PDGFC: variants seen among roughly 807,000 people sequenced by gnomAD.
PDGFC encodes platelet-derived growth factor C.
PDGFC carries 12 observed loss-of-function variants against 35.5 expected under a neutral mutation model. That is an observed-to-expected ratio of 0.34 (90% CI 0.22 to 0.55). The LOEUF (loss-of-function observed/expected upper bound fraction) is 0.55, where lower values mean the gene tolerates loss of function less well. Ranked by LOEUF, PDGFC falls within the 20% of genes least tolerant of loss-of-function variation. The pLI, the probability that PDGFC is intolerant of heterozygous loss-of-function variation, is 0.91. For synonymous variants in PDGFC, 159 were observed against 148.8 expected (o/e 1.07, Z -0.50); for missense variants, 322 against 412.4 (o/e 0.78, Z 1.90).
chr4:156,789,808 CTAATAAAAA>C (rs1019067669), intron 3 of PDGFC, among the ~76,000 whole-genome samples: 1 of 151,928 alleles, frequency 6.6e-6, no homozygotes, highest in African/African-American at 2.4e-5. Flanking sequence ...AACCACATCT[CTAATAAAAA>C]TACAAAAAAG....
intron 1 of PDGFC, among the ~76,000 whole-genome samples, chr4:156,865,254 CAG>C (rs1300427715): frequency 3.3e-5 from 5 of 151,782 alleles, no homozygotes; most frequent in Non-Finnish European, 5.9e-5. Context: ...AGCATGAACA[CAG>C]GGGTATCATT....
intron 2 of PDGFC, among the ~76,000 whole-genome samples, chr4:156,828,622 A>G (rs546520808): frequency 1.3e-5 from 2 of 152,232 alleles, no homozygotes; most frequent in African/African-American, 4.8e-5. Flanking sequence ...GTAATTATGT[A>G]TATGTGTGTG....
At chr4:156,778,579 T>TTTCC (rs1223993843) in intron 3 of PDGFC, among the ~76,000 whole-genome samples, 8 of 152,184 alleles carry the variant, frequency 5.3e-5, no homozygotes, top group Admixed American at 2.6e-4. Context: ...TGTTAACATC[T>TTTCC]TTCCCCTTTT....
chr4:156,873,092 C>T (rs1480769481), intron 1 of PDGFC, among the ~76,000 whole-genome samples: 2 of 152,172 alleles, frequency 1.3e-5, no homozygotes, highest in African/African-American at 2.4e-5. Context: ...GACTGCACCA[C>T]TGCCGGGACT....
rs535941915 is a variant in PDGFC, at chr4:156,767,248, G to A, written c.921+525C>T. Among the ~76,000 whole-genome samples the A allele has an allele frequency of 4.6e-5, 7 of 152,148 alleles. No individual in the cohort carries two copies. In the East Asian group the frequency reaches 1.2e-3, roughly 25 times the overall value. On this transcript the variant is annotated intron_variant, in intron 5 of 5. Coordinates refer to ENST00000502773, the MANE Select transcript of PDGFC (RefSeq NM_016205.3). Reference sequence around the variant, plus strand: ...ATTTTCTTTTATTCCAAAGAATAAAGAGATGAAAGGTTAAAACATCCACAC... The same window carrying A: ...ATTTTCTTTTATTCCAAAGAATAAAAAGATGAAAGGTTAAAACATCCACAC...
At chr4:156,825,450 T>C (rs1353112315) in intron 2 of PDGFC, among the ~76,000 whole-genome samples, 1 of 150,084 alleles carries the variant, frequency 6.7e-6, no homozygotes, top group Non-Finnish European at 1.5e-5. Flanking sequence ...CTGGGGAGGC[T>C]GAGGTGGGAG....
chr4:156,783,817 G>C (rs1731044226), intron 3 of PDGFC, among the ~76,000 whole-genome samples: 3 of 152,148 alleles, frequency 2.0e-5, no homozygotes, highest in Admixed American at 2.0e-4. Flanking sequence ...TTTATGATCT[G>C]ATTGATTACC....
At position 156,762,625 on chromosome 4, in the gene PDGFC, CAAA is replaced by C. The variant is rs879026361; in HGVS notation, c.*462_*464del. On this transcript the variant is annotated 3_prime_UTR_variant, in exon 6 of 6. Coordinates refer to ENST00000502773, the MANE Select transcript of PDGFC (RefSeq NM_016205.3). ...TCTGGTTTACATATGTGAATATGAG[CAAA>C]AAAAAAAAAAAAAATCCAGATTTTA... 2.9e-5 allele frequency: 3 copies of C among 103,474 alleles called. No individual in the cohort carries two copies. The highest frequency in any genetic ancestry group is 1.1e-4 in the Admixed American group (1 of 9,396). The allele number at this position is 103,474 out of a possible 1,614,324, so 6.4% of individuals were successfully genotyped here. A position where few individuals can be genotyped will look rare whatever the true frequency, so the allele number is the denominator to read the frequency against.
chr4:156,852,070 T>C (rs1010194553), intron 1 of PDGFC, among the ~76,000 whole-genome samples: 1 of 151,732 alleles, frequency 6.6e-6, no homozygotes, highest in African/African-American at 2.4e-5. Context: ...TTAAAAAAAG[T>C]AAAAGCCTTA....
Position 156,939,362 on chromosome 4 carries a change from A to G in PDGFC, c.118+31424T>C, listed in dbSNP as rs189673123. ...AGAAAAATAACTCGATGAGTCAGAT[A>G]TAGAAACAAGAAATAACAGGCAATT... is the stretch of plus-strand genomic sequence containing the variant. On this transcript the variant is annotated intron_variant, in intron 1 of 5. Coordinates refer to ENST00000502773, the MANE Select transcript of PDGFC (RefSeq NM_016205.3). Among the ~76,000 whole-genome samples, 355 of 152,238 alleles carry G rather than the reference A, an allele frequency of 2.3e-3. 1 individual carries two copies. The highest frequency in any genetic ancestry group is 2.3e-3 in the Non-Finnish European group (156 of 67,962).
At chr4:156,840,466 T>C (rs1303812544) in intron 2 of PDGFC, among the ~76,000 whole-genome samples, 1 of 152,228 alleles carries the variant, frequency 6.6e-6, no homozygotes, top group Non-Finnish European at 1.5e-5. Flanking sequence ...ATGGAAACAC[T>C]GGTATCTCCA....
intron 2 of PDGFC, among the ~76,000 whole-genome samples, chr4:156,845,395 T>C (rs1482561370): frequency 6.6e-6 from 1 of 151,670 alleles, no homozygotes; most frequent in Non-Finnish European, 1.5e-5. Flanking sequence ...TATATATATA[T>C]ACAGAGAGAG....
At chr4:156,826,728 T>C (rs766871955) in intron 2 of PDGFC, among the ~76,000 whole-genome samples, 5 of 152,152 alleles carry the variant, frequency 3.3e-5, no homozygotes, top group Non-Finnish European at 7.3e-5. Context: ...ATAATAAAAT[T>C]TGAAAAGGAT....
intron 2 of PDGFC, among the ~76,000 whole-genome samples, chr4:156,843,621 G>T (rs1729256696): frequency 6.6e-6 from 1 of 152,242 alleles, no homozygotes; most frequent in East Asian, 1.9e-4. Context: ...AAGAGGTACT[G>T]AATTTTTTGT....
chr4:156,799,806 GCTT>G (rs1731550050), intron 3 of PDGFC, among the ~76,000 whole-genome samples: 1 of 151,940 alleles, frequency 6.6e-6, no homozygotes, highest in East Asian at 1.9e-4. Context: ...TTTTAAAAAA[GCTT>G]CTTGTTTGGA....
intron 1 of PDGFC, among the ~76,000 whole-genome samples, chr4:156,908,783 T>C (rs925859302): frequency 6.6e-6 from 1 of 152,064 alleles, no homozygotes; most frequent in South Asian, 2.1e-4. Flanking sequence ...TATGTAACAA[T>C]CAGACAAGTG....
intron 1 of PDGFC, among the ~76,000 whole-genome samples, chr4:156,865,159 T>C (rs1729807565): frequency 1.3e-5 from 2 of 150,834 alleles, no homozygotes; most frequent in Non-Finnish European, 2.9e-5. Flanking sequence ...GGATAAATTT[T>C]TCACTTTAGG....
intron 2 of PDGFC, among the ~76,000 whole-genome samples, chr4:156,828,912 T>G (rs182194241): frequency 5.9e-4 from 90 of 152,226 alleles, no homozygotes; most frequent in African/African-American, 1.9e-3. Flanking sequence ...TTTTTTAAAA[T>G]TAAAGTTTAC....
chr4:156,829,895 T>C (rs2111017406), intron 2 of PDGFC, among the ~76,000 whole-genome samples: 1 of 152,228 alleles, frequency 6.6e-6, no homozygotes, highest in Middle Eastern at 3.4e-3. Context: ...TTATTAATCT[T>C]ATAGACAACA....
Sources: gnomAD v4.1 joint callset for allele counts (sites outside exome capture counted in the v4.1 genomes callset) on GRCh38, gnomAD v4.1.1 for gene constraint, MANE v1.5 for transcripts, NCBI Gene and HGNC (gene_info 2026-07-23, HGNC 2026-07-21) for gene names.